KNDC1: variants seen among roughly 807,000 people sequenced by gnomAD.
KNDC1 encodes kinase non-catalytic C-lobe domain-containing protein 1.
A neutral mutation model predicts 172.8 loss-of-function variants in KNDC1; 106 were observed. The observed-to-expected ratio is 0.61, with a 90% CI of 0.52 to 0.72. The LOEUF is 0.72. Among genes scored for constraint, KNDC1 ranks in the 30% least tolerant of loss-of-function variants. The pLI is 0.00. For synonymous variants in KNDC1, 1,083 were observed against 1,062.2 expected, an observed-to-expected ratio of 1.02 and a Z score of -0.38; for missense variants, 2,325 against 2,394.5, an observed-to-expected ratio of 0.97 and a Z score of 0.61.
intron 6 of KNDC1, among the ~76,000 whole-genome samples, chr10:133,187,661 G>A (rs1009682866): frequency 5.3e-5 from 8 of 152,364 alleles, no homozygotes; most frequent in Middle Eastern, 3.4e-3. Context: ...CGAGCCACCT[G>A]TTGGAGGGTG....
At chr10:133,166,722 T>G (rs1197915054) in intron 1 of KNDC1, among the ~76,000 whole-genome samples, 1 of 150,976 alleles carries the variant, frequency 6.6e-6, no homozygotes, top group African/African-American at 2.4e-5. Context: ...GCACGTGTGC[T>G]AGGTGGGTAT....
intron 3 of KNDC1, among the ~76,000 whole-genome samples, chr10:133,174,856 A>T (rs1307754458): frequency 6.9e-6 from 1 of 144,924 alleles, no homozygotes; most frequent in Non-Finnish European, 1.5e-5. Flanking sequence ...ATGGATGGTT[A>T]GGTGGATGCA....
intron 2 of KNDC1, 77 bp downstream of exon 2, chr10:133,167,656 G>C: frequency 7.0e-7 from 1 of 1,437,108 alleles, no homozygotes; most frequent in African/African-American, 1.4e-5. Flanking sequence ...GTGAGCACTG[G>C]CTCTGCCGGA....
rs1854258917 is a variant in KNDC1, at chr10:133,198,472, T to C, written c.2042T>C (p.Val681Ala). The change falls in exon 13 of 30, where the codon GTC (valine) becomes GCC (alanine). Residue 681 changes from valine (V) to alanine (A), a missense_variant. Transcript: ENST00000304613. ...TSEATHFKPI[V>A]LAQNASVARD... ...GAGGCCACGCACTTCAAGCCCATTGTCCTCGCGCAGAACGCAAGTGTGGCC... is the reference window on the plus strand; with the variant it reads ...GAGGCCACGCACTTCAAGCCCATTGCCCTCGCGCAGAACGCAAGTGTGGCC... 1.2e-6 allele frequency: 2 copies of C among 1,606,852 alleles called. No homozygotes were observed. The highest frequency in any genetic ancestry group is 1.7e-5 in the Admixed American group (1 of 59,406).
intron 20 of KNDC1, among the ~76,000 whole-genome samples, chr10:133,208,802 A>C (rs1845281965): frequency 6.6e-6 from 1 of 152,148 alleles, no homozygotes. Flanking sequence ...GTGTGTGTGC[A>C]TGTGTGGTGT....
At chr10:133,185,197 CAGTGTGTGCAGTG>C (rs1191583674) in intron 5 of KNDC1, among the ~76,000 whole-genome samples, 6 of 150,680 alleles carry the variant, frequency 4.0e-5, no homozygotes, top group Admixed American at 6.6e-5. Context: ...GTGGAGTAGG[CAGTGTGTGCAGTG>C]TGGAGTAGGC....
rs1397637280 is a variant in KNDC1 at position 133,167,588 on chromosome 10, G to A, written c.301+9G>A. The A allele has an allele frequency of 5.7e-6, 9 of 1,566,370 alleles. No individual in the cohort carries two copies. Among genetic ancestry groups the A allele is most frequent in the African/African-American group, 1.4e-5 (1 of 72,972 alleles). ...CATGGAGCAGCTCAGCGGTGAGGCGGCGGTGGCGGTGGCGGCGGCGGCGGG... is the reference window on the plus strand; with the variant it reads ...CATGGAGCAGCTCAGCGGTGAGGCGACGGTGGCGGTGGCGGCGGCGGCGGG... On this transcript the variant is annotated intron_variant, in intron 2 of 29. Coordinates refer to ENST00000304613, the MANE Select transcript of KNDC1 (RefSeq NM_152643.8).
chr10:133,169,590 T>C (rs542909440), intron 3 of KNDC1, among the ~76,000 whole-genome samples: 3 of 152,198 alleles, frequency 2.0e-5, no homozygotes, highest in Middle Eastern at 3.4e-3. Flanking sequence ...GCTGCGGGGG[T>C]CCTACATTTT....
chr10:133,197,368 G>A (rs1349379705), intron 11 of KNDC1, among the ~76,000 whole-genome samples: 1 of 152,144 alleles, frequency 6.6e-6, no homozygotes, highest in African/African-American at 2.4e-5. Flanking sequence ...CCCAAGGACG[G>A]CGGCCCAGCA....
At chr10:133,207,092 G>A in intron 19 of KNDC1, 45 bp from the exon 20 acceptor site, 3 of 1,549,742 alleles carry the variant, frequency 1.9e-6, no homozygotes, top group African/African-American at 1.4e-5. Flanking sequence ...GGAAGCCCTG[G>A]GGCGAGGGGC....
intron 7 of KNDC1, among the ~76,000 whole-genome samples, 167 bp from the exon 8 acceptor site, chr10:133,189,431 C>G (rs529574939): frequency 3.7e-4 from 56 of 152,316 alleles, no homozygotes; most frequent in Non-Finnish European, 5.6e-4. Context: ...TCCGAGGACC[C>G]CGGGGGCTGG....
rs946482636 is a variant in KNDC1 at position 133,211,818 on chromosome 10, C to T, written c.4196C>T (p.Ala1399Val). 6.2e-7 allele frequency: 1 copy of T among 1,610,478 alleles called. No individual in the cohort carries two copies. Among genetic ancestry groups the T allele is most frequent in the Admixed American group, 1.7e-5 (1 of 59,012 alleles). Residue 1399 changes from alanine to valine, a missense_variant, in exon 23 of 30, where the codon GCC becomes GTC. Transcript: ENST00000304613. ...EAEEDARPFNALCKRLSEDGI... is the reference protein window; with the variant it reads ...EAEEDARPFNVLCKRLSEDGI... ...GAGGAGGATGCCAGACCCTTCAACG[C>T]CCTCTGTAAGAGGCTCTCAGAGGAC...
rs1255369973 is a variant in KNDC1 at position 133,185,844 on chromosome 10, GA to G, written c.626-129del. 191 of 370,092 alleles carry G rather than the reference GA, an allele frequency of 5.2e-4. No individual in the cohort carries two copies. The African/African-American group carries it at 5.2e-3, about 10-fold the overall frequency. 22.9% of individuals were successfully genotyped at this position (370,092 alleles called of 1,614,324 possible). A position where few individuals can be genotyped will look rare whatever the true frequency, so the allele number is the denominator to read the frequency against. ...GTGATCGTGGGAGGGGAGGAGAGGG[GA>G]GGGGAGGGGAGAGGTGGGAGGGGAG... On this transcript the variant is annotated intron_variant, in intron 5 of 29. Coordinates refer to ENST00000304613, the MANE Select transcript of KNDC1 (RefSeq NM_152643.8).
intron 1 of KNDC1, 41 bp downstream of exon 1, chr10:133,160,610 A>T (rs780101156): frequency 3.5e-6 from 5 of 1,448,148 alleles, no homozygotes; most frequent in South Asian, 1.2e-5. Flanking sequence ...TCCGCCGCCG[A>T]GGGGTCCGCG....
rs913522508 is a variant in KNDC1 at position 133,212,909 on chromosome 10, C to T, written c.4430C>T (p.Thr1477Met). 3.1e-6 allele frequency: 5 copies of T among 1,612,416 alleles called. No homozygotes were observed. In the African/African-American group the frequency reaches 5.3e-5, roughly 17 times the overall value. Residue 1477 changes from threonine (T) to methionine (M), a missense_variant, in exon 24 of 30, where the codon ACG becomes ATG. Thr to Met is a moderately conservative substitution (Grantham distance 81). Coordinates refer to ENST00000304613, the MANE Select transcript of KNDC1 (RefSeq NM_152643.8). Reference sequence around the variant, plus strand: ...ACTCACCAGCTCTTCAGCCAGCTCACGCTGCTACAGCAGGTGAGGAGGGCG... The same window carrying T: ...ACTCACCAGCTCTTCAGCCAGCTCATGCTGCTACAGCAGGTGAGGAGGGCG... ...YSTHQLFSQL[T>M]LLQQELFQKC...
Position 133,184,006 on chromosome 10 carries a change from A to G in KNDC1, c.625+17A>G, listed in dbSNP as rs1430667520. 1.4e-6 allele frequency: 2 copies of G among 1,444,072 alleles called. No homozygotes were observed. The highest frequency in any genetic ancestry group is 9.5e-7 in the Non-Finnish European group (1 of 1,053,818). 89.5% of individuals were successfully genotyped at this position (1,444,072 alleles called of 1,614,324 possible). ...CGCTGCAGGGTGAGTTCTTGAACCCACACACGTGCATCCTCATGCACATAT... is the reference window on the plus strand; with the variant it reads ...CGCTGCAGGGTGAGTTCTTGAACCCGCACACGTGCATCCTCATGCACATAT... On this transcript the variant is annotated intron_variant, in intron 5 of 29. Coordinates refer to ENST00000304613, the MANE Select transcript of KNDC1 (RefSeq NM_152643.8).
chr10:133,210,097 G>A (rs908915356), intron 20 of KNDC1, among the ~76,000 whole-genome samples: 1 of 152,092 alleles, frequency 6.6e-6, no homozygotes. Context: ...GAAAGGCCCT[G>A]GTGTTCAGCA....
At chr10:133,200,488 G>C in intron 16 of KNDC1, 28 bp downstream of exon 16, 1 of 1,479,008 alleles carries the variant, frequency 6.8e-7, no homozygotes, top group South Asian at 1.4e-5. Flanking sequence ...CCCGCGGCAG[G>C]AGCTCTGCTG....
intron 9 of KNDC1, among the ~76,000 whole-genome samples, chr10:133,192,153 T>C (rs1293067371): frequency 7.2e-5 from 11 of 152,350 alleles, no homozygotes; most frequent in African/African-American, 2.6e-4. Context: ...GAGGAAACTA[T>C]TCTAAAATTC....
Sources: allele counts gnomAD v4.1 joint callset (sites outside exome capture counted in the v4.1 genomes callset), GRCh38; gene constraint gnomAD v4.1.1; transcripts MANE v1.5; gene names NCBI Gene and HGNC (gene_info 2026-07-23, HGNC 2026-07-21).